Variants in TRIOBP observed in about 807,000 individuals in gnomAD.
The protein encoded by TRIOBP is TRIO and F-actin binding protein.
TRIOBP carries 169 observed loss-of-function variants against 238.8 expected under a neutral mutation model. The ratio of observed to expected loss-of-function variants is 0.71; its 90% confidence interval spans 0.62 to 0.80. TRIOBP has a LOEUF of 0.80. Among genes scored for constraint, TRIOBP ranks in the 30% least tolerant of loss-of-function variants. The probability of loss-of-function intolerance (pLI) is 0.00; values close to 1 mark genes in which losing one functional copy is unlikely to be tolerated. For missense variants in TRIOBP, 2,838 were observed against 3,122.6 expected, an observed-to-expected ratio of 0.91 and a Z score of 2.17; for synonymous variants, 1,150 against 1,274.4, an observed-to-expected ratio of 0.90 and a Z score of 2.08.
At chr22:37,721,882 C>T (rs560658319) in intron 6 of TRIOBP, among the ~76,000 whole-genome samples, 3 of 152,224 alleles carry the variant, frequency 2.0e-5, no homozygotes, top group East Asian at 1.9e-4. Flanking sequence ...GCTTGGTGAC[C>T]GAGGGATTGA....
Position 37,735,046 on chromosome 22 carries a change from A to G in TRIOBP, c.4710A>G (p.Gly1570=). The change falls in exon 9 of 24, where the codon GGA becomes GGG. Residue 1570 remains glycine (G), a synonymous_variant. Transcript: ENST00000644935. ...TGCTTGGCCTTCTCCGGGCACCAGG[A>G]GAGGGGGTCTGGGCCCGTGTCCCCA... ...RDLLGLLRAP[G]EGVWARVPSL... 6.2e-7 allele frequency: 1 copy of G among 1,608,068 alleles called. No homozygotes were observed. Among genetic ancestry groups the G allele is most frequent in the Non-Finnish European group, 8.5e-7 (1 of 1,175,996 alleles).
chr22:37,722,053 C>A (rs1197098031), intron 6 of TRIOBP, among the ~76,000 whole-genome samples: 1 of 152,254 alleles, frequency 6.6e-6, no homozygotes, highest in South Asian at 2.1e-4. Context: ...AAATGCAGAT[C>A]CAGAAGCAGT....
At chr22:37,764,679 CA>C in intron 17 of TRIOBP, among the ~76,000 whole-genome samples, 1 of 152,316 alleles carries the variant, frequency 6.6e-6, no homozygotes, top group Non-Finnish European at 1.5e-5. Context: ...CCCCAACACA[CA>C]CCGTTGTGGC....
chr22:37,719,201 TCAAATAAA>T (rs1479972108), intron 6 of TRIOBP, among the ~76,000 whole-genome samples: 1 of 71,354 alleles, frequency 1.4e-5, no homozygotes, highest in East Asian at 4.0e-4. Context: ...AGACTCCATC[TCAAATAAA>T]TAAATAAATA....
Position 37,710,547 on chromosome 22 carries a change from C to A in TRIOBP, c.235C>A (p.Leu79Ile), listed in dbSNP as rs1923183656. Residue 79 changes from leucine (L) to isoleucine (I), a missense_variant, in exon 4 of 24, where the codon CTC (leucine) becomes ATC (isoleucine). Transcript: ENST00000644935. ...CTGCCAGTCTGTGGTGGACCCAGGCCTCAGGCCAGGGCCCAAGAGGTGGGT... is the reference window on the plus strand; with the variant it reads ...CTGCCAGTCTGTGGTGGACCCAGGCATCAGGCCAGGGCCCAAGAGGTGGGT... ...SGCQSVVDPG[L>I]RPGPKRGPSP... 6.2e-7 allele frequency: 1 copy of A among 1,611,554 alleles called. No individual in the cohort carries two copies. Among genetic ancestry groups the A allele is most frequent in the Non-Finnish European group, 8.5e-7 (1 of 1,179,852 alleles).
chr22:37,750,152 C>CA (rs1426425550), intron 11 of TRIOBP, among the ~76,000 whole-genome samples: 1 of 152,172 alleles, frequency 6.6e-6, no homozygotes, highest in East Asian at 1.9e-4. Context: ...AGCCAGGACT[C>CA]AGAGAGGGGA....
intron 12 of TRIOBP, among the ~76,000 whole-genome samples, 195 bp from the exon 13 acceptor site, chr22:37,754,682 G>A (rs1363377798): frequency 1.3e-5 from 2 of 152,158 alleles, no homozygotes; most frequent in Non-Finnish European, 2.9e-5. Context: ...AAGGGAGGGT[G>A]TGGTTACGGA....
intron 3 of TRIOBP, among the ~76,000 whole-genome samples, chr22:37,704,042 A>G (rs1385943194): frequency 6.6e-6 from 1 of 152,092 alleles, no homozygotes; most frequent in East Asian, 1.9e-4. Flanking sequence ...CGTACTGAAT[A>G]GGTGCTTAAA....
At chr22:37,728,157 G>C (rs1320525539) in intron 7 of TRIOBP, among the ~76,000 whole-genome samples, 1 of 151,652 alleles carries the variant, frequency 6.6e-6, no homozygotes, top group Non-Finnish European at 1.5e-5. Flanking sequence ...ATCAGTCTTG[G>C]CTGGGTGCAG....
chr22:37,754,253 T>C (rs1258542344), intron 12 of TRIOBP, among the ~76,000 whole-genome samples: 1 of 151,762 alleles, frequency 6.6e-6, no homozygotes, highest in African/African-American at 2.4e-5. Context: ...CTACTAAAAA[T>C]ACAAGAAATT....
intron 3 of TRIOBP, among the ~76,000 whole-genome samples, chr22:37,702,897 C>A (rs1922733434): frequency 6.6e-6 from 1 of 152,088 alleles, no homozygotes; most frequent in African/African-American, 2.4e-5. Context: ...CCCACCTCAA[C>A]CTCTGTAACT....
chr22:37,720,000 C>CTTTTTTTTTTTT (rs869261824), intron 6 of TRIOBP, among the ~76,000 whole-genome samples: 2 of 54,346 alleles, frequency 3.7e-5, no homozygotes, highest in Non-Finnish European at 3.2e-5. Context: ...CCCCCCCGCC[C>CTTTTTTTTTTTT]TTTTTTTTTT....
intron 17 of TRIOBP, 132 bp from the exon 18 acceptor site, chr22:37,765,538 T>TGCAGAC: frequency 8.3e-7 from 1 of 1,206,570 alleles, no homozygotes; most frequent in Non-Finnish European, 1.2e-6. Flanking sequence ...CAGGAGCAGG[T>TGCAGAC]GCAGACTGGA....
chr22:37,722,232 A>C (rs544315530), intron 6 of TRIOBP, among the ~76,000 whole-genome samples: 1 of 152,236 alleles, frequency 6.6e-6, no homozygotes, highest in East Asian at 1.9e-4. Context: ...GAGCTGTCGC[A>C]CAGGAAACAG....
At chr22:37,767,728 G>T (rs1926572898) in intron 18 of TRIOBP, among the ~76,000 whole-genome samples, 1 of 152,074 alleles carries the variant, frequency 6.6e-6, no homozygotes, top group South Asian at 2.1e-4. Flanking sequence ...GTACTAGGTG[G>T]GGTCCTACCT....
chr22:37,716,172 T>C (rs1923506891), intron 6 of TRIOBP, among the ~76,000 whole-genome samples: 1 of 152,146 alleles, frequency 6.6e-6, no homozygotes, highest in Admixed American at 6.5e-5. Context: ...AGTGCAGTGG[T>C]GTGATCTCGG....
chr22:37,717,861 GT>G (rs1255768767), intron 6 of TRIOBP, among the ~76,000 whole-genome samples: 2 of 152,250 alleles, frequency 1.3e-5, no homozygotes, highest in Non-Finnish European at 2.9e-5. Context: ...CCCTTGGGTG[GT>G]TGATGGGACT....
At chr22:37,752,783 C>G (rs1384378032) in intron 12 of TRIOBP, among the ~76,000 whole-genome samples, 1 of 152,176 alleles carries the variant, frequency 6.6e-6, no homozygotes, top group African/African-American at 2.4e-5. Context: ...CAGGCCCCAC[C>G]CAGAGCTGGC....
chr22:37,771,128 G>A (rs1601671386), intron 21 of TRIOBP, among the ~76,000 whole-genome samples: 1 of 152,304 alleles, frequency 6.6e-6, no homozygotes, highest in Middle Eastern at 3.4e-3. Context: ...TACAGATGAG[G>A]AAACTGAGGC....
Sources: gnomAD v4.1 joint callset for allele counts (sites outside exome capture counted in the v4.1 genomes callset) on GRCh38, gnomAD v4.1.1 for gene constraint, MANE v1.5 for transcripts, NCBI Gene and HGNC (gene_info 2026-07-23, HGNC 2026-07-21) for gene names.